The following FANCA variants were observed in gnomAD, a reference collection of about 807,000 sequenced individuals.
FANCA encodes Fanconi anemia group A protein.
In FANCA, 236 loss-of-function variants were observed where a neutral mutation model predicts 194.3. The ratio of observed to expected loss-of-function variants is 1.21; its 90% CI spans 1.09 to 1.35. FANCA has a LOEUF of 1.35. Among genes scored for constraint, FANCA ranks in the 40% most tolerant of loss-of-function variants. FANCA has a pLI of 0.00. For synonymous variants in FANCA, 1,014 were observed against 715.8 expected (o/e 1.42, Z -6.65); for missense variants, 2,628 against 1,813.9 (o/e 1.45, Z -8.15).
chr16:89,792,456 A>G lies in FANCA; in HGVS notation c.1083+15T>C, dbSNP rs771716266. The G allele has an allele frequency of 3.1e-6, 5 of 1,612,380 alleles. No individual in the cohort carries two copies. Among genetic ancestry groups the G allele is most frequent in the Non-Finnish European group, 4.2e-6 (5 of 1,179,306 alleles). ...CCACGAGCTCAGAAGCAGGTATAATACCACATCCACTCACCCTGCGGTACA... is the reference window on the plus strand; with the variant it reads ...CCACGAGCTCAGAAGCAGGTATAATGCCACATCCACTCACCCTGCGGTACA... On this transcript the variant is annotated intron_variant, in intron 12 of 42. Coordinates refer to ENST00000389301, the MANE Select transcript of FANCA (RefSeq NM_000135.4).
chr16:89,813,152 T>C (rs1391708333), intron 3 of FANCA, among the ~76,000 whole-genome samples: 11 of 151,964 alleles, frequency 7.2e-5, no homozygotes, highest in Non-Finnish European at 1.6e-4. Flanking sequence ...CAGTGGCTCA[T>C]GCCTGCAATC....
Position 89,761,932 on chromosome 16 carries a change from C to T in FANCA, c.2852+17G>A. Reference sequence around the variant, plus strand: ...GAGCCATCATGCCTGGCCAGGGTAGCTCTTTTCAACACTTACCGTTCAGTA... The same window carrying T: ...GAGCCATCATGCCTGGCCAGGGTAGTTCTTTTCAACACTTACCGTTCAGTA... On this transcript the variant is annotated intron_variant, in intron 29 of 42. Coordinates refer to ENST00000389301, the MANE Select transcript of FANCA (RefSeq NM_000135.4). The T allele has an allele frequency of 6.2e-7, 1 of 1,609,382 alleles. No homozygotes were observed. Among genetic ancestry groups the T allele is most frequent in the Non-Finnish European group, 8.5e-7 (1 of 1,175,684 alleles).
chr16:89,778,649 A>G, intron 20 of FANCA, 152 bp downstream of exon 20: 4 of 656,498 alleles, frequency 6.1e-6, no homozygotes, highest in Non-Finnish European at 1.0e-5. Context: ...AAAAAAAAAA[A>G]AAAAAAAAGT....
At chr16:89,779,110 A>G in intron 18 of FANCA, 107 bp from the exon 19 acceptor site, 1 of 997,166 alleles carries the variant, frequency 1.0e-6, no homozygotes, top group Non-Finnish European at 1.6e-6. Context: ...CTCACTCCAA[A>G]GCCACGATGC....
At chr16:89,744,106 G>C (rs1247416396) in intron 36 of FANCA, among the ~76,000 whole-genome samples, 1 of 152,130 alleles carries the variant, frequency 6.6e-6, no homozygotes, top group Non-Finnish European at 1.5e-5. Context: ...TGTTGGCCAG[G>C]CTGGTCTCAA....
chr16:89,760,886 T>C (rs2038928545), intron 29 of FANCA, among the ~76,000 whole-genome samples: 1 of 152,138 alleles, frequency 6.6e-6, no homozygotes, highest in Admixed American at 6.6e-5. Flanking sequence ...TACCTGTGTG[T>C]TGCCAGGGCC....
chr16:89,738,812 G>A, intron 42 of FANCA, 70 bp downstream of exon 42: 2 of 1,613,946 alleles, frequency 1.2e-6, no homozygotes, highest in Non-Finnish European at 1.7e-6. Context: ...CAGCCAGGCA[G>A]GCACATGGCC....
intron 13 of FANCA, 129 bp downstream of exon 13, chr16:89,791,798 G>A (rs1328686207): frequency 2.5e-6 from 3 of 1,205,670 alleles, no homozygotes; most frequent in East Asian, 4.8e-5. Flanking sequence ...ATCGACAGGA[G>A]GCACTGCAGG....
At chr16:89,806,506 G>C (rs976224489) in intron 6 of FANCA, among the ~76,000 whole-genome samples, 1 of 151,948 alleles carries the variant, frequency 6.6e-6, no homozygotes, top group African/African-American at 2.4e-5. Context: ...GCCTTCTGCA[G>C]TGTTTGTGTC....
Position 89,779,946 on chromosome 16 carries a change from T to C in FANCA, c.1638A>G (p.Gln546=), listed in dbSNP as rs1412726177. The C allele has an allele frequency of 6.2e-7, 1 of 1,613,982 alleles. No homozygotes were observed. The highest frequency in any genetic ancestry group is 8.5e-7 in the Non-Finnish European group (1 of 1,180,020). Residue 546 remains glutamine (Q), a synonymous_variant, in exon 18 of 43, where the codon CAA becomes CAG. Coordinates refer to ENST00000389301, the MANE Select transcript of FANCA (RefSeq NM_000135.4). Reference sequence around the variant, plus strand: ...TGGCCTTTTCAACATCCTGAAGAGCTTGGCTGTGGGGCTGGTTCCCATACA... The same window carrying C: ...TGGCCTTTTCAACATCCTGAAGAGCCTGGCTGTGGGGCTGGTTCCCATACA... The part of the protein sequence containing the change: ...SAGDITEPHS[Q]ALQDVEKAIM...
chr16:89,788,354 A>T (rs141850725), intron 14 of FANCA, among the ~76,000 whole-genome samples: 1 of 151,964 alleles, frequency 6.6e-6, no homozygotes, highest in Non-Finnish European at 1.5e-5. Context: ...CCAGCTACTC[A>T]GGAGGCTGAA....
At chr16:89,805,459 C>G (rs1456348639) in intron 6 of FANCA, 67 bp from the exon 7 acceptor site, 1 of 1,296,918 alleles carries the variant, frequency 7.7e-7, no homozygotes, top group African/African-American at 1.5e-5. Flanking sequence ...TTGAGTTGAG[C>G]CATATGTCCC....
chr16:89,745,149 C>T (rs2038338611), intron 35 of FANCA, 78 bp from the exon 36 acceptor site: 1 of 1,375,328 alleles, frequency 7.3e-7, no homozygotes. Flanking sequence ...TGACAAGCCC[C>T]CAGTGCTCCT....
chr16:89,790,331 T>A (rs561981502), intron 14 of FANCA, among the ~76,000 whole-genome samples: 52 of 150,926 alleles, frequency 3.4e-4, no homozygotes, highest in African/African-American at 1.0e-3. Flanking sequence ...GAGGAGGAGG[T>A]TGCAGTGAGC....
At chr16:89,750,386 G>A (rs1216904096) in intron 31 of FANCA, among the ~76,000 whole-genome samples, 2 of 152,154 alleles carry the variant, frequency 1.3e-5, no homozygotes, top group Admixed American at 1.3e-4. Flanking sequence ...AGGCGGCTGA[G>A]GCAGGAGAAT....
chr16:89,808,197 C>G (rs558442573), intron 6 of FANCA, 97 bp downstream of exon 6: 2 of 1,161,474 alleles, frequency 1.7e-6, no homozygotes, highest in Admixed American at 1.7e-5. Flanking sequence ...TATGTCAAAG[C>G]CAGAAATCAA....
chr16:89,773,227 G>A, intron 22 of FANCA, 44 bp downstream of exon 22: 5 of 1,447,184 alleles, frequency 3.5e-6, no homozygotes, highest in Non-Finnish European at 3.8e-6. Context: ...TCCAACCACA[G>A]GCTGCACACA....
At position 89,748,733 on chromosome 16, in the gene FANCA, C is replaced by A. The variant is rs772828870; in HGVS notation, c.3274G>T (p.Gly1092Cys). ...LLRLPSSVLC[G>C]SSFQAEQPIT... is the part of the protein sequence containing the mutation. ...GGCTGTTCTGCCTGGAAGCTGCTGC[C>A]GCAGAGGACAGACGAAGGCAGGCGG... Residue 1092 changes from glycine (G) to cysteine (C), a missense_variant, in exon 33 of 43, where the codon GGC becomes TGC. Coordinates refer to ENST00000389301, the MANE Select transcript of FANCA (RefSeq NM_000135.4). 1 of 1,614,082 alleles carries A rather than the reference C, an allele frequency of 6.2e-7. No individual in the cohort carries two copies. Among genetic ancestry groups the A allele is most frequent in the East Asian group, 2.2e-5 (1 of 44,874 alleles).
chr16:89,809,837 G>C (rs1233544789), intron 5 of FANCA, among the ~76,000 whole-genome samples: 2 of 143,298 alleles, frequency 1.4e-5, no homozygotes, highest in Admixed American at 7.1e-5. Flanking sequence ...TGGGCAACAA[G>C]AGCAAAACTC....
Sources: allele counts gnomAD v4.1 joint callset (sites outside exome capture counted in the v4.1 genomes callset), GRCh38; gene constraint gnomAD v4.1.1; transcripts MANE v1.5; gene names NCBI Gene and HGNC (gene_info 2026-07-23, HGNC 2026-07-21).